The following SOX6 variants were observed in gnomAD, a reference collection of about 807,000 sequenced individuals.
The protein encoded by SOX6 is transcription factor SOX-6.
In SOX6, 11 loss-of-function variants were observed where a neutral mutation model predicts 97.8. The ratio of observed to expected loss-of-function variants is 0.11; its 90% CI spans 0.07 to 0.19. The LOEUF is 0.19. Ranked by LOEUF, SOX6 falls within the 10% of genes least tolerant of loss-of-function variation. SOX6 has a pLI of 1.00. For synonymous variants in SOX6, 360 were observed against 371.4 expected, an observed-to-expected ratio of 0.97 and a Z score of 0.35; for missense variants, 810 against 1,039.5, an observed-to-expected ratio of 0.78 and a Z score of 3.04.
chr11:16,525,602 C>T (rs1432056565), intron 4 of SOX6, among the ~76,000 whole-genome samples: 1 of 151,384 alleles, frequency 6.6e-6, no homozygotes, highest in Admixed American at 6.6e-5. Flanking sequence ...ACACCAAAAG[C>T]AATGGCAACA....
At chr11:16,070,289 C>T (rs1848194065) in intron 9 of SOX6, among the ~76,000 whole-genome samples, 1 of 152,040 alleles carries the variant, frequency 6.6e-6, no homozygotes, top group Admixed American at 6.5e-5. Flanking sequence ...GGGGCAGAGG[C>T]TGCATTGGGT....
At chr11:16,641,330 T>C (rs1848910147) in intron 3 of SOX6, among the ~76,000 whole-genome samples, 1 of 152,154 alleles carries the variant, frequency 6.6e-6, no homozygotes, top group African/African-American at 2.4e-5. Flanking sequence ...TACTTCCAAC[T>C]ATGTGGTCAG....
intron 2 of SOX6, among the ~76,000 whole-genome samples, chr11:16,334,994 C>A (rs1458642761): frequency 6.6e-6 from 1 of 152,100 alleles, no homozygotes; most frequent in Non-Finnish European, 1.5e-5. Flanking sequence ...TAAAGGAAAT[C>A]AATGTGTCAA....
At chr11:16,371,809 A>T (rs1451210874) in intron 1 of SOX6, among the ~76,000 whole-genome samples, 1 of 152,178 alleles carries the variant, frequency 6.6e-6, no homozygotes, top group African/African-American at 2.4e-5. Flanking sequence ...ACTTGAGATC[A>T]GGTGTAGAAT....
intron 2 of SOX6, among the ~76,000 whole-genome samples, chr11:16,326,768 C>T (rs892962119): frequency 6.6e-6 from 1 of 152,152 alleles, no homozygotes; most frequent in Non-Finnish European, 1.5e-5. Context: ...TTAATGCTAT[C>T]TGTAGGTCAG....
rs575485554 is a variant in SOX6, at chr11:15,995,837, A to G, written c.1733-6607T>C. On this transcript the variant is annotated intron_variant, in intron 13 of 15. Transcript: ENST00000683767. ...GACTATGCAACATCTTTATAATGCT[A>G]TAAAAGGAAATAAATTCAGAGTTTT... Among the ~76,000 whole-genome samples the G allele has an allele frequency of 2.0e-5, 3 of 152,318 alleles. No individual in the cohort carries two copies. In the East Asian group the frequency reaches 5.8e-4, roughly 29 times the overall value.
chr11:16,162,798 T>C (rs960684944), intron 6 of SOX6, among the ~76,000 whole-genome samples: 4 of 152,194 alleles, frequency 2.6e-5, no homozygotes, highest in Admixed American at 1.3e-4. Context: ...CTTGGTTTTC[T>C]TAAGTGTAAA....
intron 4 of SOX6, among the ~76,000 whole-genome samples, chr11:16,207,000 A>G (rs1173508714): frequency 6.6e-6 from 1 of 152,124 alleles, no homozygotes; most frequent in Non-Finnish European, 1.5e-5. Flanking sequence ...ATCTCGCCTC[A>G]TCTAACTTTT....
intron 6 of SOX6, among the ~76,000 whole-genome samples, chr11:16,183,032 A>G (rs1851383343): frequency 1.3e-5 from 2 of 151,884 alleles, no homozygotes; most frequent in South Asian, 4.1e-4. Flanking sequence ...AAGGGAAACA[A>G]GAGTCTACCG....
At chr11:16,205,739 A>C (rs181441931) in intron 4 of SOX6, among the ~76,000 whole-genome samples, 1 of 152,132 alleles carries the variant, frequency 6.6e-6, no homozygotes. Flanking sequence ...GTTTAATAAG[A>C]GCTATTAAAG....
At position 16,583,618 on chromosome 11, in the gene SOX6, T is replaced by TATAC. The variant is rs1554976106; in HGVS notation, n.609+28462_609+28463insGTAT. Among the ~76,000 whole-genome samples, 746 of 126,002 alleles carry TATAC rather than the reference T, an allele frequency of 5.9e-3. 23 individuals carry two copies. Among genetic ancestry groups the TATAC allele is most frequent in the African/African-American group, 0.021 (692 of 33,734 alleles). 82.7% of individuals were successfully genotyped at this position (126,002 alleles called of 152,430 possible). ...GTATATATGTGTATATATATACATA[T>TATAC]ATATATATATATATATATACACATA... On this transcript the variant is annotated intron_variant and non_coding_transcript_variant, in intron 4 of 5. Transcript: ENST00000524520.
chr11:16,096,418 G>A (rs1236311890), intron 8 of SOX6, among the ~76,000 whole-genome samples: 1 of 151,788 alleles, frequency 6.6e-6, no homozygotes, highest in African/African-American at 2.4e-5. Flanking sequence ...AACTATAGTA[G>A]GTTTCAGTGT....
intron 15 of SOX6, among the ~76,000 whole-genome samples, chr11:15,981,533 C>T (rs1167412649): frequency 6.6e-6 from 1 of 152,000 alleles, no homozygotes; most frequent in Non-Finnish European, 1.5e-5. Context: ...GGAGATAAGC[C>T]TATACGTCAC....
chr11:16,663,980 T>C (rs999059167), intron 3 of SOX6, among the ~76,000 whole-genome samples: 1 of 152,142 alleles, frequency 6.6e-6, no homozygotes, highest in African/African-American at 2.4e-5. Context: ...AATGGGTGAA[T>C]AGAAGACTCC....
intron 4 of SOX6, among the ~76,000 whole-genome samples, chr11:16,571,281 C>T (rs966589066): frequency 1.3e-5 from 2 of 152,124 alleles, no homozygotes; most frequent in African/African-American, 4.8e-5. Context: ...AGCAGAGCTC[C>T]GTAGGCATTT....
chr11:16,160,108 A>C (rs2134068613), intron 6 of SOX6, among the ~76,000 whole-genome samples: 1 of 152,312 alleles, frequency 6.6e-6, no homozygotes, highest in East Asian at 1.9e-4. Flanking sequence ...AAAAGCTACA[A>C]GATAGGTTTA....
chr11:16,412,449 A>G (rs997115536), intron 1 of SOX6, among the ~76,000 whole-genome samples: 3 of 152,134 alleles, frequency 2.0e-5, no homozygotes, highest in East Asian at 1.9e-4. Context: ...GTGATAAAAA[A>G]CCAACTCAAA....
intron 12 of SOX6, among the ~76,000 whole-genome samples, chr11:16,045,770 T>C (rs1414566579): frequency 6.6e-6 from 1 of 152,202 alleles, no homozygotes; most frequent in Non-Finnish European, 1.5e-5. Context: ...CAGATGTCAA[T>C]GTCACTTCCT....
chr11:16,269,002 G>A (rs1469978495), intron 3 of SOX6, among the ~76,000 whole-genome samples: 1 of 150,082 alleles, frequency 6.7e-6, no homozygotes, highest in Non-Finnish European at 1.5e-5. Context: ...TTTCATTCAA[G>A]AGAAATTCAC....
Sources: allele counts gnomAD v4.1 joint callset (sites outside exome capture counted in the v4.1 genomes callset), GRCh38; gene constraint gnomAD v4.1.1; transcripts MANE v1.5; gene names NCBI Gene and HGNC (gene_info 2026-07-23, HGNC 2026-07-21).